AFG1L: variants seen among roughly 807,000 people sequenced by gnomAD.
The protein encoded by AFG1L is AFG1-like ATPase.
In AFG1L, 53 loss-of-function variants were observed where a neutral mutation model predicts 62.2. That is an observed-to-expected ratio of 0.85 (90% CI 0.68 to 1.07). The LOEUF (loss-of-function observed/expected upper bound fraction) is 1.07, where lower values mean the gene tolerates loss of function less well. Ranked by LOEUF, AFG1L falls within the 50% of genes least tolerant of loss-of-function variation. AFG1L has a pLI of 0.00. For synonymous variants in AFG1L, 228 were observed against 210.3 expected, an observed-to-expected ratio of 1.08 and a Z score of -0.73; for missense variants, 555 against 590.5, an observed-to-expected ratio of 0.94 and a Z score of 0.62.
intron 3 of AFG1L, among the ~76,000 whole-genome samples, chr6:108,354,367 T>C (rs1779188174): frequency 1.3e-5 from 2 of 152,082 alleles, no homozygotes; most frequent in Non-Finnish European, 2.9e-5. Context: ...TGGAGTGCAG[T>C]GGCACGATCT....
chr6:108,302,525 G>A (rs1365555266), intron 1 of AFG1L, among the ~76,000 whole-genome samples: 1 of 151,888 alleles, frequency 6.6e-6, no homozygotes, highest in Non-Finnish European at 1.5e-5. Context: ...TATGAGTTGA[G>A]TAAATACCTC....
chr6:108,344,874 C>A (rs1228672664), intron 2 of AFG1L: 1 of 462,164 alleles, frequency 2.2e-6, no homozygotes, highest in South Asian at 1.6e-5. Context: ...AAGATAAGTT[C>A]TATTTTGCTT....
chr6:108,495,804 A>T (rs900018063), intron 10 of AFG1L, among the ~76,000 whole-genome samples: 5 of 152,250 alleles, frequency 3.3e-5, no homozygotes, highest in African/African-American at 1.2e-4. Flanking sequence ...AGTTTGAAAC[A>T]ATAGTGGAGA....
At chr6:108,320,297 G>GC (rs1777770562) in intron 1 of AFG1L, among the ~76,000 whole-genome samples, 1 of 152,138 alleles carries the variant, frequency 6.6e-6, no homozygotes, top group African/African-American at 2.4e-5. Flanking sequence ...GGAGTGGCCC[G>GC]CCGGTCAAAG....
chr6:108,364,817 T>C (rs1247100003), intron 5 of AFG1L, among the ~76,000 whole-genome samples: 4 of 151,406 alleles, frequency 2.6e-5, no homozygotes, highest in Admixed American at 1.3e-4. Flanking sequence ...TGAAGTCTTT[T>C]TAATGTAAGG....
At chr6:108,422,090 A>G (rs893695326) in intron 7 of AFG1L, among the ~76,000 whole-genome samples, 1 of 152,128 alleles carries the variant, frequency 6.6e-6, no homozygotes, top group African/African-American at 2.4e-5. Flanking sequence ...TATACAAAGT[A>G]AAATGGTAAG....
intron 10 of AFG1L, among the ~76,000 whole-genome samples, chr6:108,491,973 C>T (rs1026948623): frequency 9.2e-5 from 14 of 152,234 alleles, no homozygotes; most frequent in African/African-American, 3.1e-4. Context: ...GCAAAACAAA[C>T]AAAAACAACA....
intron 10 of AFG1L, among the ~76,000 whole-genome samples, chr6:108,485,639 TATATATATATATA>T: frequency 5.9e-5 from 1 of 16,858 alleles, no homozygotes; most frequent in African/African-American, 2.8e-4. Flanking sequence ...TATATATATA[TATATATATATATA>T]TATATTTTTT....
chr6:108,371,852 G>A (rs1368466411), intron 6 of AFG1L, among the ~76,000 whole-genome samples: 1 of 152,018 alleles, frequency 6.6e-6, no homozygotes, highest in African/African-American at 2.4e-5. Flanking sequence ...GAATGCGTGG[G>A]CTCAAACCAT....
intron 6 of AFG1L, among the ~76,000 whole-genome samples, chr6:108,376,378 A>G (rs1780247757): frequency 6.6e-6 from 1 of 151,126 alleles, no homozygotes; most frequent in African/African-American, 2.4e-5. Flanking sequence ...GTTTTTTTCT[A>G]GTTCTTCTAG....
At chr6:108,455,524 T>C (rs935371500) in intron 8 of AFG1L, among the ~76,000 whole-genome samples, 9 of 152,338 alleles carry the variant, frequency 5.9e-5, no homozygotes, top group South Asian at 4.1e-4. Flanking sequence ...TTTCCTTTCT[T>C]CTGCTTAGTT....
chr6:108,369,095 A>T (rs1278704435), intron 6 of AFG1L, among the ~76,000 whole-genome samples: 1 of 152,154 alleles, frequency 6.6e-6, no homozygotes, highest in Admixed American at 6.5e-5. Flanking sequence ...TGAAGATGAC[A>T]TGTATATGTG....
chr6:108,399,774 T>C (rs1382624228), intron 6 of AFG1L, among the ~76,000 whole-genome samples: 1 of 119,138 alleles, frequency 8.4e-6, no homozygotes, highest in African/African-American at 3.2e-5. Context: ...TCTCTCTTTT[T>C]TTTTTTTTTT....
At chr6:108,396,167 CCATG>C (rs1282781134) in intron 6 of AFG1L, among the ~76,000 whole-genome samples, 1 of 151,814 alleles carries the variant, frequency 6.6e-6, no homozygotes, top group Admixed American at 6.6e-5. Context: ...GCATGAGCCA[CCATG>C]CACAACCTAT....
At chr6:108,329,499 A>G (rs1036344300) in intron 2 of AFG1L, among the ~76,000 whole-genome samples, 27 of 150,606 alleles carry the variant, frequency 1.8e-4, no homozygotes, top group Non-Finnish European at 3.0e-4. Flanking sequence ...GGGTTTCACC[A>G]TGTTGGTCAG....
chr6:108,398,659 C>G (rs1343264974), intron 6 of AFG1L, among the ~76,000 whole-genome samples: 1 of 152,168 alleles, frequency 6.6e-6, no homozygotes, highest in Non-Finnish European at 1.5e-5. Context: ...TCTCATTCTT[C>G]TGCATATGGA....
chr6:108,310,242 T>A (rs906605635), intron 1 of AFG1L, among the ~76,000 whole-genome samples: 8 of 152,332 alleles, frequency 5.3e-5, no homozygotes, highest in African/African-American at 1.9e-4. Context: ...CAGCAGTGTC[T>A]GAGGTTCTAA....
chr6:108,456,775 C>G (rs1490435507), intron 8 of AFG1L, among the ~76,000 whole-genome samples: 1 of 152,076 alleles, frequency 6.6e-6, no homozygotes, highest in East Asian at 1.9e-4. Context: ...CAATGATGGA[C>G]CATAGCATAG....
intron 1 of AFG1L, among the ~76,000 whole-genome samples, chr6:108,322,366 C>T (rs957638319): frequency 6.6e-6 from 1 of 152,162 alleles, no homozygotes; most frequent in Non-Finnish European, 1.5e-5. Flanking sequence ...GCAGTCATTA[C>T]ACTTTCACTC....
Sources: gnomAD v4.1 joint callset for allele counts (sites outside exome capture counted in the v4.1 genomes callset) on GRCh38, gnomAD v4.1.1 for gene constraint, MANE v1.5 for transcripts, NCBI Gene and HGNC (gene_info 2026-07-23, HGNC 2026-07-21) for gene names.